Variants in NUSAP1 observed in about 807,000 individuals in gnomAD.
NUSAP1 encodes nucleolar and spindle associated protein 1.
In NUSAP1, 32 loss-of-function variants were observed where a neutral mutation model predicts 52.8. That is an observed-to-expected ratio of 0.61 (90% CI 0.46 to 0.81). The LOEUF is 0.81. Ranked by LOEUF, NUSAP1 falls within the 40% of genes least tolerant of loss-of-function variation. The probability of loss-of-function intolerance (pLI) is 0.00; values close to 1 mark genes in which losing one functional copy is unlikely to be tolerated. For synonymous variants in NUSAP1, 195 were observed against 183.1 expected (o/e 1.06, Z -0.52); for missense variants, 499 against 522.3 (o/e 0.96, Z 0.43).
intron 7 of NUSAP1, among the ~76,000 whole-genome samples, chr15:41,369,409 A>G (rs1032633905): frequency 3.9e-5 from 6 of 151,932 alleles, no homozygotes; most frequent in Non-Finnish European, 2.9e-5. Context: ...GCACCTTGGG[A>G]GCCCGAGTTG....
At chr15:41,342,529 A>T (rs771438362) in intron 2 of NUSAP1, 75 bp downstream of exon 2, 215 of 1,084,726 alleles carry the variant, frequency 2.0e-4, no homozygotes, top group Non-Finnish European at 2.5e-4. Context: ...TTAACACACA[A>T]CTAGTGATGA....
chr15:41,365,603 T>G lies in NUSAP1; in HGVS notation c.848+14T>G. 4 of 1,571,778 alleles carry G rather than the reference T, an allele frequency of 2.5e-6. No individual in the cohort carries two copies. The highest frequency in any genetic ancestry group is 3.5e-6 in the Non-Finnish European group (4 of 1,155,834). On this transcript the variant is annotated intron_variant, in intron 7 of 10. Coordinates refer to ENST00000559596, the MANE Select transcript of NUSAP1 (RefSeq NM_016359.5). ...AACGGGTGTCAGGTAAAGAAATCAC[T>G]CCAAAATGTAATCATGAACAAGATT...
intron 2 of NUSAP1, chr15:41,343,258 G>A (rs563147753): frequency 5.9e-5 from 9 of 152,364 alleles, no homozygotes; most frequent in African/African-American, 1.9e-4. Flanking sequence ...GATGGGAGTT[G>A]TCATGGCCGC....
At chr15:41,348,317 G>C (rs997897870) in intron 2 of NUSAP1, among the ~76,000 whole-genome samples, 20 of 152,172 alleles carry the variant, frequency 1.3e-4, no homozygotes, top group African/African-American at 4.6e-4. Flanking sequence ...GACCTCAGGT[G>C]ATCCACCAGC....
At chr15:41,375,238 C>T (rs2049876957) in intron 8 of NUSAP1, among the ~76,000 whole-genome samples, 1 of 149,596 alleles carries the variant, frequency 6.7e-6, no homozygotes, top group South Asian at 2.1e-4. Context: ...AGTGCAATGG[C>T]GCAATCTCAG....
chr15:41,371,424 C>A lies in NUSAP1; in HGVS notation c.849-103C>A, dbSNP rs2049682141. On this transcript the variant is annotated intron_variant, in intron 7 of 10. Coordinates refer to ENST00000559596, the MANE Select transcript of NUSAP1 (RefSeq NM_016359.5). The stretch of plus-strand genomic sequence containing the variant: ...TTCCTATGACAATTATTAATTGAGG[C>A]CCTTTTCACTGCTTGCTAATAGTCA... 6 of 887,626 alleles carry A rather than the reference C, an allele frequency of 6.8e-6. No homozygotes were observed. In the African/African-American group the frequency reaches 6.9e-5, roughly 10 times the overall value. 55.0% of individuals were successfully genotyped at this position (887,626 alleles called of 1,614,324 possible). A position where few individuals can be genotyped will look rare whatever the true frequency, so the allele number is the denominator to read the frequency against.
At position 41,360,759 on chromosome 15, in the gene NUSAP1, A is replaced by G. The variant is rs977687832; in HGVS notation, c.660+2501A>G. On this transcript the variant is annotated intron_variant, in intron 6 of 10. Coordinates refer to ENST00000559596, the MANE Select transcript of NUSAP1 (RefSeq NM_016359.5). ...GGCGTGAGCCACCACTCCTGTCCTC[A>G]CTGTTACCACATTTGAAGGCACTGT... is the stretch of plus-strand genomic sequence containing the variant. 1.3e-4 allele frequency among the ~76,000 whole-genome samples: 19 copies of G among 145,522 alleles called. 1 individual carries two copies. The highest frequency in any genetic ancestry group is 1.2e-3 in the Admixed American group (17 of 14,512).
Position 41,380,565 on chromosome 15 carries a change from CAGG to C in NUSAP1, c.*382_*384del, listed in dbSNP as rs914976452. The C allele has an allele frequency of 1.8e-5, 3 of 170,176 alleles. No homozygotes were observed. Among genetic ancestry groups the C allele is most frequent in the Non-Finnish European group, 2.5e-5 (2 of 79,516 alleles). The allele number at this position is 170,176 out of a possible 1,614,324, so 10.5% of individuals were successfully genotyped here. On this transcript the variant is annotated 3_prime_UTR_variant, in exon 11 of 11. Transcript: ENST00000559596. ...TGATGGCAGCTAGTTATGCAAGCTTCAGGAGAATTTGAACAATAACAAGAATAG... is the reference window on the plus strand; with the variant it reads ...TGATGGCAGCTAGTTATGCAAGCTTCAGAATTTGAACAATAACAAGAATAG...
At chr15:41,372,021 G>T (rs1461153891) in intron 8 of NUSAP1, among the ~76,000 whole-genome samples, 2 of 152,134 alleles carry the variant, frequency 1.3e-5, no homozygotes, top group Non-Finnish European at 2.9e-5. Flanking sequence ...GCCCGCCTCG[G>T]CCTACCAAAG....
In NUSAP1 at chr15:41,377,266, C is replaced by A; in HGVS notation, c.1194C>A (p.Phe398Leu). Residue 398 changes from phenylalanine (F) to leucine (L), a missense_variant, in exon 10 of 11, where the codon TTC becomes TTA. Coordinates refer to ENST00000559596, the MANE Select transcript of NUSAP1 (RefSeq NM_016359.5). ...ATCAACATGTCAACAGAATTAACTT[C>A]TACAAGAAAACTTACAAACAACCCC... is the stretch of plus-strand genomic sequence containing the variant. The part of the protein sequence containing the change: ...YLNQHVNRIN[F>L]YKKTYKQPHL... 1 of 1,534,482 alleles carries A rather than the reference C, an allele frequency of 6.5e-7. No homozygotes were observed.
At chr15:41,361,472 C>CA (rs1279205691) in intron 6 of NUSAP1, among the ~76,000 whole-genome samples, 2 of 152,026 alleles carry the variant, frequency 1.3e-5, no homozygotes, top group Non-Finnish European at 2.9e-5. Flanking sequence ...TGTCAATCCA[C>CA]AACTTTGGGA....
At chr15:41,350,527 G>T (rs543435402) in intron 3 of NUSAP1, among the ~76,000 whole-genome samples, 1 of 152,048 alleles carries the variant, frequency 6.6e-6, no homozygotes, top group Admixed American at 6.6e-5. Context: ...TATTCCTTTG[G>T]CCTTGGCTAT....
rs10851404 is a variant in NUSAP1 at position 41,341,872 on chromosome 15, C to T, written c.94-514C>T. ...AGGCTTACAAGGCCTGGTAACATCA[C>T]GGCCCTGCTCACTTTCCCAACATTG... is the stretch of plus-strand genomic sequence containing the variant. On this transcript the variant is annotated intron_variant, in intron 1 of 10. Coordinates refer to ENST00000559596, the MANE Select transcript of NUSAP1 (RefSeq NM_016359.5). 9.9e-5 allele frequency among the ~76,000 whole-genome samples: 15 copies of T among 152,138 alleles called. No individual in the cohort carries two copies. In the South Asian group the frequency reaches 3.1e-3, roughly 32 times the overall value.
At chr15:41,344,673 GC>G (rs2048494563) in intron 2 of NUSAP1, among the ~76,000 whole-genome samples, 1 of 151,938 alleles carries the variant, frequency 6.6e-6, no homozygotes, top group Non-Finnish European at 1.5e-5. Context: ...GGGCACAGTG[GC>G]TCACGTCTGT....
At position 41,332,987 on chromosome 15, in the gene NUSAP1, C is replaced by T. The variant is rs1272966080; in HGVS notation, c.30C>T (p.Asp10=). Residue 10 remains aspartate, a synonymous_variant, in exon 1 of 11, where the codon GAC becomes GAT. Coordinates refer to ENST00000559596, the MANE Select transcript of NUSAP1 (RefSeq NM_016359.5). ...TCATCCCCTCTCTAGAGGAGCTGGA[C>T]TCCCTCAAGTACAGTGACCTGCAGA... MIIPSLEEL[D]SLKYSDLQNL... is the part of the protein sequence containing the mutation. 2.5e-6 allele frequency: 4 copies of T among 1,611,700 alleles called. No individual in the cohort carries two copies. The Admixed American group carries it at 5.0e-5, about 20-fold the overall frequency.
At chr15:41,370,701 C>T (rs909772017) in intron 7 of NUSAP1, among the ~76,000 whole-genome samples, 2 of 140,590 alleles carry the variant, frequency 1.4e-5, no homozygotes, top group Admixed American at 1.5e-4. Flanking sequence ...AGTGACCCAA[C>T]ATCGCACCAT....
At chr15:41,360,677 G>T (rs1347775831) in intron 6 of NUSAP1, among the ~76,000 whole-genome samples, 1 of 149,956 alleles carries the variant, frequency 6.7e-6, no homozygotes, top group African/African-American at 2.5e-5. Context: ...GGCTGGTCTC[G>T]ATCTCCTGAC....
chr15:41,368,436 T>A (rs1182384254), intron 7 of NUSAP1, among the ~76,000 whole-genome samples: 1 of 152,182 alleles, frequency 6.6e-6, no homozygotes, highest in Non-Finnish European at 1.5e-5. Context: ...TACAGTGAAC[T>A]GAAAAATTAA....
At chr15:41,354,876 C>T (rs1466337527) in intron 4 of NUSAP1, among the ~76,000 whole-genome samples, 2 of 151,080 alleles carry the variant, frequency 1.3e-5, no homozygotes, top group Non-Finnish European at 2.9e-5. Flanking sequence ...AAAAATTAGC[C>T]GGGTGTGGGG....
Sources: allele counts gnomAD v4.1 joint callset (sites outside exome capture counted in the v4.1 genomes callset), GRCh38; gene constraint gnomAD v4.1.1; transcripts MANE v1.5; gene names NCBI Gene and HGNC (gene_info 2026-07-23, HGNC 2026-07-21).